The following CDC27 variants were observed in gnomAD, a reference collection of about 807,000 sequenced individuals.
The protein encoded by CDC27 is cell division cycle 27.
Under a neutral mutation model 109.7 loss-of-function variants are expected in CDC27, and 27 were observed. That is an observed-to-expected ratio of 0.25 (90% confidence interval 0.18 to 0.34). The LOEUF is 0.34. Among genes scored for constraint, CDC27 ranks in the 10% least tolerant of loss-of-function variants. The pLI, the probability that CDC27 is intolerant of heterozygous loss-of-function variation, is 1.00. For synonymous variants in CDC27, 266 were observed against 333.9 expected, an observed-to-expected ratio of 0.80 and a Z score of 2.22; for missense variants, 579 against 960.2, an observed-to-expected ratio of 0.60 and a Z score of 5.25.
intron 1 of CDC27, among the ~76,000 whole-genome samples, chr17:47,185,981 A>T (rs2149019030): frequency 6.6e-6 from 1 of 152,332 alleles, no homozygotes; most frequent in East Asian, 1.9e-4. Context: ...CAGGGATGCT[A>T]CAAAACATTC....
chr17:47,142,490 C>T (rs1163642481), intron 10 of CDC27, 54 bp from the exon 11 acceptor site: 1 of 682,304 alleles, frequency 1.5e-6, no homozygotes. Flanking sequence ...TTAGATTTCT[C>T]CTCAGCCCTT....
intron 9 of CDC27, among the ~76,000 whole-genome samples, chr17:47,144,806 C>T (rs773822435): frequency 1.3e-5 from 2 of 152,040 alleles, no homozygotes; most frequent in East Asian, 3.9e-4. Context: ...TATATATTTT[C>T]ATCTTTTACG....
At chr17:47,133,020 TATATATATACAC>T (rs1568373931) in intron 14 of CDC27, among the ~76,000 whole-genome samples, 3 of 46,076 alleles carry the variant, frequency 6.5e-5, no homozygotes, top group South Asian at 7.5e-4. Context: ...TATATATATA[TATATATATACAC>T]ACACACACAC....
At position 47,151,903 on chromosome 17, in the gene CDC27, C is replaced by T. The variant is rs769586419; in HGVS notation, c.973G>A (p.Gly325Ser). 30 of 1,605,074 alleles carry T rather than the reference C, an allele frequency of 1.9e-5. No homozygotes were observed. The African/African-American group carries it at 2.8e-4, about 15-fold the overall frequency. Residue 325 changes from glycine to serine, a missense_variant, in exon 9 of 19, where the codon GGC becomes AGC. Coordinates refer to ENST00000066544, the MANE Select transcript of CDC27 (RefSeq NM_001256.6). ...APSKKSVARI[G>S]QTGTKSVFSQ... ...AAGACAGACTTTGTTCCAGTTTGGC[C>T]GATTCTGGCAACAGACTGTAAAACA...
At chr17:47,167,631 C>G (rs1054791036) in intron 4 of CDC27, among the ~76,000 whole-genome samples, 1 of 152,150 alleles carries the variant, frequency 6.6e-6, no homozygotes, top group African/African-American at 2.4e-5. Context: ...GTGGAAAAAG[C>G]AACATTTTGT....
chr17:47,139,395 C>A (rs202188863), intron 12 of CDC27, among the ~76,000 whole-genome samples: 1 of 151,592 alleles, frequency 6.6e-6, no homozygotes, highest in African/African-American at 2.4e-5. Flanking sequence ...GCCTCCCAAG[C>A]AGCTGGGACT....
intron 9 of CDC27, among the ~76,000 whole-genome samples, chr17:47,149,404 G>C (rs986348865): frequency 6.6e-6 from 1 of 151,474 alleles, no homozygotes; most frequent in Non-Finnish European, 1.5e-5. Context: ...CCAGCTACTC[G>C]GGAGGCTGAG....
chr17:47,138,223 G>A (rs945847362), intron 13 of CDC27, among the ~76,000 whole-genome samples: 1 of 152,160 alleles, frequency 6.6e-6, no homozygotes, highest in African/African-American at 2.4e-5. Context: ...CATTGGTTCA[G>A]TAGCACTAAT....
At chr17:47,185,931 T>G (rs1384181267) in intron 1 of CDC27, among the ~76,000 whole-genome samples, 1 of 152,256 alleles carries the variant, frequency 6.6e-6, no homozygotes, top group Non-Finnish European at 1.5e-5. Flanking sequence ...AGGGTATTTT[T>G]GGTTGTCACA....
chr17:47,189,191 CT>C lies in CDC27; in HGVS notation c.-20del. On this transcript the variant is annotated 5_prime_UTR_variant, in exon 1 of 19. An upstream open reading frame in the 5' UTR loses its in-frame stop. Transcript: ENST00000066544. ...CCGTCATCCTCGAGGCTCAGGCCCA[CT>C]TTCTGCAGTGCCTCAGGCCCCCCCT... 6.2e-7 allele frequency: 1 copy of C among 1,606,886 alleles called. No homozygotes were observed. Among genetic ancestry groups the C allele is most frequent in the Non-Finnish European group, 8.5e-7 (1 of 1,173,482 alleles).
chr17:47,142,205 TA>T, intron 11 of CDC27, 23 bp downstream of exon 11: 1 of 1,376,656 alleles, frequency 7.3e-7, no homozygotes, highest in Non-Finnish European at 1.0e-6. Context: ...AATACAAAGA[TA>T]ATATTAAGCA....
chr17:47,121,590 G>A (rs2061983695), intron 18 of CDC27, among the ~76,000 whole-genome samples: 1 of 152,018 alleles, frequency 6.6e-6, no homozygotes, highest in African/African-American at 2.4e-5. Context: ...CTATAGACAC[G>A]TACCACCACA....
chr17:47,132,919 G>A (rs955427170), intron 14 of CDC27, among the ~76,000 whole-genome samples: 2 of 139,488 alleles, frequency 1.4e-5, no homozygotes, highest in African/African-American at 5.3e-5. Flanking sequence ...AACTACAGGT[G>A]CACGCCACCA....
chr17:47,141,902 A>G lies in CDC27; in HGVS notation c.1502T>C (p.Val501Ala), dbSNP rs746492486. Residue 501 changes from valine (V) to alanine (A), a missense_variant, in exon 12 of 19, where the codon GTA becomes GCA. Val to Ala is a moderately conservative substitution (Grantham distance 64). Coordinates refer to ENST00000066544, the MANE Select transcript of CDC27 (RefSeq NM_001256.6). ...ATAGGCCCTTCCAATTTGGCACAGT[A>G]CCCAACCAGTATTGTAGTGGTGAGA... ...LPSHHYNTGW[V>A]LCQIGRAYFE... The G allele has an allele frequency of 8.7e-6, 14 of 1,605,678 alleles. No individual in the cohort carries two copies. In the African/African-American group the frequency reaches 1.9e-4, roughly 22 times the overall value.
chr17:47,147,339 C>T (rs1438306268), intron 9 of CDC27, among the ~76,000 whole-genome samples: 5 of 151,396 alleles, frequency 3.3e-5, no homozygotes, highest in Non-Finnish European at 5.9e-5. Flanking sequence ...GCGGAGCTTG[C>T]AGTGAGTCGA....
chr17:47,138,948 C>T, intron 12 of CDC27, 57 bp from the exon 13 acceptor site: 1 of 1,166,684 alleles, frequency 8.6e-7, no homozygotes, highest in East Asian at 2.4e-5. Context: ...TATATATACA[C>T]AGGGAAAGCC....
chr17:47,141,491 G>A (rs6504745), intron 12 of CDC27, among the ~76,000 whole-genome samples: 67,376 of 151,618 alleles, frequency 0.44, 15,526 homozygotes, highest in Middle Eastern at 0.54. Flanking sequence ...AAACATATTC[G>A]ATGTCAAAAA....
chr17:47,123,851 A>G, intron 17 of CDC27, 35 bp downstream of exon 17: 1 of 1,401,514 alleles, frequency 7.1e-7, no homozygotes, highest in Non-Finnish European at 9.8e-7. Context: ...TTTGCTATGA[A>G]AGTCACTGTT....
chr17:47,173,910 T>A (rs963836886), intron 2 of CDC27, among the ~76,000 whole-genome samples: 1 of 152,034 alleles, frequency 6.6e-6, no homozygotes, highest in East Asian at 1.9e-4. Flanking sequence ...CTGGCCAACA[T>A]GGCGAAACCC....
Sources: gnomAD v4.1 joint callset for allele counts (sites outside exome capture counted in the v4.1 genomes callset) on GRCh38, gnomAD v4.1.1 for gene constraint, MANE v1.5 for transcripts, NCBI Gene and HGNC (gene_info 2026-07-23, HGNC 2026-07-21) for gene names.